The following GSE1 variants were observed in gnomAD, a reference collection of about 807,000 sequenced individuals.
GSE1 encodes the protein Gse1 coiled-coil protein.
A neutral mutation model predicts 112.6 loss-of-function variants in GSE1; 32 were observed. The ratio of observed to expected loss-of-function variants is 0.28; its 90% CI spans 0.21 to 0.38. The LOEUF is 0.38. GSE1 is among the 10% of genes least tolerant of loss of function. The probability of loss-of-function intolerance (pLI) is 1.00; values close to 1 mark genes in which losing one functional copy is unlikely to be tolerated. For synonymous variants in GSE1, 1,115 were observed against 735.6 expected (o/e 1.52, Z -8.35); for missense variants, 2,348 against 1,699.2 (o/e 1.38, Z -6.71).
In GSE1 at chr16:85,648,657, C is replaced by A; in HGVS notation, c.332C>A (p.Pro111His). 6.2e-7 allele frequency: 1 copy of A among 1,602,338 alleles called. No homozygotes were observed. ...KRVPMGPIIV[P>H]PGGHSVPSTP... ...GTGCCCATGGGCCCTATCATCGTCC[C>A]CCCTGGGGGCCACAGCGTGCCCAGC... The change falls in exon 3 of 16, where the codon CCC becomes CAC. Residue 111 changes from proline to histidine, a missense_variant. Pro to His is a moderately conservative substitution (Grantham distance 77). Coordinates refer to ENST00000253458, the MANE Select transcript of GSE1 (RefSeq NM_014615.5).
chr16:85,233,216 A>T (rs767693390), intron 1 of GSE1, among the ~76,000 whole-genome samples: 1 of 152,224 alleles, frequency 6.6e-6, no homozygotes, highest in Non-Finnish European at 1.5e-5. Flanking sequence ...CGAGGTGTCT[A>T]CCCAGCCTCG....
At chr16:85,257,875 GCT>G (rs1567644070) in intron 1 of GSE1, among the ~76,000 whole-genome samples, 1 of 152,234 alleles carries the variant, frequency 6.6e-6, no homozygotes, top group East Asian at 1.9e-4. Context: ...TATCTGGGAC[GCT>G]CTGTCATCAT....
intron 1 of GSE1, among the ~76,000 whole-genome samples, chr16:85,614,887 C>T (rs1419964192): frequency 6.6e-6 from 1 of 152,118 alleles, no homozygotes; most frequent in African/African-American, 2.4e-5. Context: ...AACAAAAGGC[C>T]CAGCCGCACT....
intron 2 of GSE1, among the ~76,000 whole-genome samples, chr16:85,370,415 A>T (rs1287469069): frequency 6.6e-6 from 1 of 152,186 alleles, no homozygotes; most frequent in African/African-American, 2.4e-5. Context: ...AAATACACTA[A>T]GATGGGCTCT....
intron 2 of GSE1, among the ~76,000 whole-genome samples, chr16:85,411,679 C>T (rs1466122198): frequency 4.7e-4 from 26 of 55,220 alleles, no homozygotes; most frequent in Admixed American, 7.8e-4. Flanking sequence ...CAGGGCCCCC[C>T]GGATAATCCT....
chr16:85,346,517 G>A (rs1461260683), intron 1 of GSE1, among the ~76,000 whole-genome samples: 1 of 151,406 alleles, frequency 6.6e-6, no homozygotes, highest in African/African-American at 2.4e-5. Context: ...GTGATGGATG[G>A]ATGGTGGATG....
intron 2 of GSE1, among the ~76,000 whole-genome samples, chr16:85,381,063 C>T (rs935291691): frequency 1.3e-5 from 2 of 152,214 alleles, no homozygotes; most frequent in African/African-American, 2.4e-5. Flanking sequence ...CATTTCGTCA[C>T]CCCAAAAGGA....
At chr16:85,178,715 G>C (rs750756698) in intron 1 of GSE1, among the ~76,000 whole-genome samples, 9 of 152,024 alleles carry the variant, frequency 5.9e-5, no homozygotes, top group Non-Finnish European at 1.0e-4. Flanking sequence ...CTAGACACCA[G>C]GACCCAGCAG....
chr16:85,389,804 T>G (rs1301661203), intron 2 of GSE1, among the ~76,000 whole-genome samples: 1 of 152,214 alleles, frequency 6.6e-6, no homozygotes, highest in African/African-American at 2.4e-5. Context: ...AGGCAGGTGC[T>G]AGTATTGCCC....
intron 1 of GSE1, among the ~76,000 whole-genome samples, chr16:85,201,471 A>G (rs999845245): frequency 1.1e-4 from 17 of 151,756 alleles, no homozygotes; most frequent in African/African-American, 4.1e-4. Flanking sequence ...CAGCCTGACC[A>G]ACGTGGTGAA....
intron 1 of GSE1, among the ~76,000 whole-genome samples, chr16:85,205,095 T>C (rs945603348): frequency 1.3e-5 from 2 of 152,178 alleles, no homozygotes; most frequent in African/African-American, 4.8e-5. Flanking sequence ...AGGTGAATGC[T>C]GTCATCGTTG....
chr16:85,314,709 GTC>G (rs1186748341), intron 1 of GSE1, among the ~76,000 whole-genome samples: 1 of 152,128 alleles, frequency 6.6e-6, no homozygotes, highest in Non-Finnish European at 1.5e-5. Flanking sequence ...GAGCTCCGCC[GTC>G]TCCCCCGCAG....
At chr16:85,267,414 T>G (rs1908363714) in intron 1 of GSE1, among the ~76,000 whole-genome samples, 1 of 152,080 alleles carries the variant, frequency 6.6e-6, no homozygotes, top group Non-Finnish European at 1.5e-5. Context: ...TTCCCAAGGA[T>G]ACCTGGCATG....
At chr16:85,289,461 C>T (rs530328600) in intron 1 of GSE1, among the ~76,000 whole-genome samples, 2 of 152,336 alleles carry the variant, frequency 1.3e-5, no homozygotes, top group Admixed American at 1.3e-4. Flanking sequence ...CCAGGCCTCT[C>T]AAACCAATGT....
chr16:85,222,598 C>G (rs572034659), intron 1 of GSE1, among the ~76,000 whole-genome samples: 34 of 152,348 alleles, frequency 2.2e-4, no homozygotes, highest in Non-Finnish European at 3.5e-4. Flanking sequence ...GCACCAACAT[C>G]TCTTTGTCGG....
chr16:85,170,114 A>G, exon 1 of GSE1: 2 of 985,106 alleles, frequency 2.0e-6, no homozygotes, highest in Non-Finnish European at 2.4e-6. Flanking sequence ...AGCCCCCACC[A>G]GGACGGGGCC....
rs139671549 is a variant in GSE1, at chr16:85,195,005, A to G, written c.2283+23198A>G. Among the ~76,000 whole-genome samples the G allele has an allele frequency of 7.0e-3, 1,073 of 152,214 alleles. 13 individuals are homozygous for G. Among genetic ancestry groups the G allele is most frequent in the African/African-American group, 0.025 (1,027 of 41,548 alleles). ...CATCATAAAGACTTGTTCCCGGTAC[A>G]GGAATCACTCAGGAGATTTGTGAGG... is the stretch of plus-strand genomic sequence containing the variant. On this transcript the variant is annotated intron_variant, in intron 1 of 2. Transcript: ENST00000637419.
intron 2 of GSE1, among the ~76,000 whole-genome samples, chr16:85,382,422 A>G (rs1285417995): frequency 6.6e-6 from 1 of 152,210 alleles, no homozygotes; most frequent in Non-Finnish European, 1.5e-5. Flanking sequence ...CAGAGGCCAC[A>G]TGGTGACCCG....
intron 2 of GSE1, among the ~76,000 whole-genome samples, chr16:85,539,828 G>A (rs1180596291): frequency 6.6e-6 from 1 of 152,196 alleles, no homozygotes; most frequent in Admixed American, 6.5e-5. Context: ...TGTTCATTTA[G>A]TTAGTTTGCT....
Sources: gnomAD v4.1 joint callset for allele counts (sites outside exome capture counted in the v4.1 genomes callset) on GRCh38, gnomAD v4.1.1 for gene constraint, MANE v1.5 for transcripts, NCBI Gene and HGNC (gene_info 2026-07-23, HGNC 2026-07-21) for gene names.